The following PSD3 variants were observed in gnomAD, a reference collection of about 807,000 sequenced individuals.
PSD3 encodes the protein pleckstrin and Sec7 domain containing 3.
A neutral mutation model predicts 105.5 loss-of-function variants in PSD3; 49 were observed. The ratio of observed to expected loss-of-function variants is 0.46; its 90% confidence interval spans 0.37 to 0.59. The LOEUF is 0.59. PSD3 is among the 20% of genes least tolerant of loss of function. The probability of loss-of-function intolerance (pLI) is 0.00; values close to 1 mark genes in which losing one functional copy is unlikely to be tolerated. For missense variants in PSD3, 1,561 were observed against 1,263.8 expected, an observed-to-expected ratio of 1.24 and a Z score of -3.57; for synonymous variants, 557 against 457.8, an observed-to-expected ratio of 1.22 and a Z score of -2.77.
chr8:18,858,732 A>G (rs78549542), intron 4 of PSD3, among the ~76,000 whole-genome samples: 13,786 of 152,146 alleles, frequency 0.091, 785 homozygotes, highest in African/African-American at 0.16. Context: ...GCAACTCCTC[A>G]TTTATTAAAG....
intron 11 of PSD3, among the ~76,000 whole-genome samples, chr8:18,606,760 A>T (rs1400352749): frequency 6.6e-6 from 1 of 152,196 alleles, no homozygotes; most frequent in Admixed American, 6.5e-5. Flanking sequence ...CATACGATAC[A>T]TTAAGATAAA....
At chr8:18,820,462 G>T (rs569308672) in intron 4 of PSD3, among the ~76,000 whole-genome samples, 23 of 152,002 alleles carry the variant, frequency 1.5e-4, no homozygotes, top group Non-Finnish European at 2.9e-4. Flanking sequence ...TCAAGTCCCT[G>T]ATATAAACTG....
At chr8:18,566,098 T>C (rs938578054) in intron 14 of PSD3, among the ~76,000 whole-genome samples, 4 of 152,142 alleles carry the variant, frequency 2.6e-5, no homozygotes, top group East Asian at 1.9e-4. Context: ...GACCCCAGTA[T>C]AGATATCCCC....
intron 11 of PSD3, among the ~76,000 whole-genome samples, chr8:18,627,824 T>C (rs746666078): frequency 6.7e-6 from 1 of 148,986 alleles, no homozygotes; most frequent in Admixed American, 6.7e-5. Context: ...AAAAACCAAC[T>C]ATGACTAAAG....
At chr8:19,018,677 T>C (rs2129475764), upstream of PSD3, among the ~76,000 whole-genome samples, 1 of 152,330 alleles carries the variant, frequency 6.6e-6, no homozygotes, top group Non-Finnish European at 1.5e-5. Context: ...TGGAATTTGT[T>C]TGGGCATTAA....
chr8:18,949,378 C>T (rs1398086471), intron 1 of PSD3, among the ~76,000 whole-genome samples: 2 of 148,338 alleles, frequency 1.3e-5, no homozygotes, highest in African/African-American at 2.5e-5. Context: ...ACCCAACCTA[C>T]ATGCATGCAG....
At chr8:18,774,916 T>TA (rs1268356338) in intron 8 of PSD3, 1 of 456,230 alleles carries the variant, frequency 2.2e-6, no homozygotes, top group African/African-American at 2.0e-5. Flanking sequence ...TAATCTTGGC[T>TA]ACGGCTGCAA....
intron 8 of PSD3, among the ~76,000 whole-genome samples, chr8:18,767,184 T>C (rs1807071031): frequency 6.6e-6 from 1 of 152,156 alleles, no homozygotes; most frequent in Non-Finnish European, 1.5e-5. Flanking sequence ...ATTGCATTAA[T>C]AAAGTAATTA....
intron 1 of PSD3, among the ~76,000 whole-genome samples, chr8:19,082,154 T>C (rs1485128420): frequency 6.6e-6 from 1 of 152,178 alleles, no homozygotes; most frequent in Non-Finnish European, 1.5e-5. Context: ...AAAACTATTG[T>C]GCTGCTTTGT....
At chr8:18,614,434 T>C (rs1202921379) in intron 11 of PSD3, among the ~76,000 whole-genome samples, 2 of 148,210 alleles carry the variant, frequency 1.3e-5, no homozygotes, top group Non-Finnish European at 3.0e-5. Context: ...TAGTGCTTAA[T>C]CTTTTAGGTA....
In PSD3 at chr8:18,828,067, A is replaced by ATATATATATATAT. The variant is rs371473289; in HGVS notation, c.1635-23170_1635-23169insATATATATATATA. Among the ~76,000 whole-genome samples, 65 of 118,876 alleles carry ATATATATATATAT rather than the reference A, an allele frequency of 5.5e-4. 1 individual carries two copies. Among genetic ancestry groups the ATATATATATATAT allele is most frequent in the African/African-American group, 2.1e-3 (61 of 28,430 alleles). 78.0% of individuals were successfully genotyped at this position (118,876 alleles called of 152,430 possible). On this transcript the variant is annotated intron_variant, in intron 4 of 15. Coordinates refer to ENST00000327040, the MANE Select transcript of PSD3 (RefSeq NM_015310.4). Reference sequence around the variant, plus strand: ...TATATGTATATATATATATATATATATTTTTTTTTTTTTACAAAAAAAATG... The same window carrying ATATATATATATAT: ...TATATGTATATATATATATATATATATATATATATATATTTTTTTTTTTTTTACAAAAAAAATG...
chr8:18,594,809 C>T (rs1280243581), intron 12 of PSD3, among the ~76,000 whole-genome samples: 1 of 152,054 alleles, frequency 6.6e-6, no homozygotes, highest in Non-Finnish European at 1.5e-5. Context: ...AAAAGGCCTA[C>T]ACATCACTTC....
intron 4 of PSD3, among the ~76,000 whole-genome samples, chr8:18,859,970 A>G (rs368409102): frequency 1.2e-4 from 18 of 152,220 alleles, no homozygotes; most frequent in African/African-American, 4.1e-4. Context: ...GTTTGGTGCA[A>G]GAGGTCTAGC....
At chr8:18,737,385 G>A (rs935349390) in intron 9 of PSD3, among the ~76,000 whole-genome samples, 2 of 152,158 alleles carry the variant, frequency 1.3e-5, no homozygotes, top group Non-Finnish European at 2.9e-5. Context: ...GGAATGCAGT[G>A]CATGCTCATG....
chr8:18,864,839 G>A (rs1480888592), intron 4 of PSD3: 2 of 152,070 alleles, frequency 1.3e-5, no homozygotes, highest in South Asian at 2.1e-4. Context: ...TGCCTCGGCA[G>A]AGGGATGTTT....
Position 18,831,495 on chromosome 8 carries a change from G to C in PSD3, c.1635-26597C>G, listed in dbSNP as rs533822949. Among the ~76,000 whole-genome samples, 25 of 152,312 alleles carry C rather than the reference G, an allele frequency of 1.6e-4. No homozygotes were observed. The East Asian group carries it at 4.3e-3, about 26-fold the overall frequency. Reference sequence around the variant, plus strand: ...CCAGCACTTTGGGAGGCCGAGGCAGGCAGATCACCCGAGGTCCGGAGTTTG... The same window carrying C: ...CCAGCACTTTGGGAGGCCGAGGCAGCCAGATCACCCGAGGTCCGGAGTTTG... On this transcript the variant is annotated intron_variant, in intron 4 of 15. Coordinates refer to ENST00000327040, the MANE Select transcript of PSD3 (RefSeq NM_015310.4).
At chr8:18,965,492 C>T (rs151279390) in intron 1 of PSD3, among the ~76,000 whole-genome samples, 1,964 of 152,306 alleles carry the variant, frequency 0.013, 43 homozygotes, top group African/African-American at 0.044. Context: ...GCATCACACA[C>T]GCTAGTGAGA....
chr8:18,598,412 A>T (rs1335292791), intron 12 of PSD3, among the ~76,000 whole-genome samples: 1 of 2,376 alleles, frequency 4.2e-4, no homozygotes, highest in African/African-American at 7.0e-4. Context: ...GAGTATAATA[A>T]AAAAAAAAAA....
chr8:18,642,768 A>G (rs905034035), intron 10 of PSD3, among the ~76,000 whole-genome samples: 2 of 152,228 alleles, frequency 1.3e-5, no homozygotes, highest in African/African-American at 4.8e-5. Flanking sequence ...AACCCTTAAA[A>G]TTTCTAAGTA....
Sources: gnomAD v4.1 joint callset for allele counts (sites outside exome capture counted in the v4.1 genomes callset) on GRCh38, gnomAD v4.1.1 for gene constraint, MANE v1.5 for transcripts, NCBI Gene and HGNC (gene_info 2026-07-23, HGNC 2026-07-21) for gene names.